LIN9: variants seen among roughly 807,000 people sequenced by gnomAD.
The protein encoded by LIN9 is lin-9 DREAM MuvB core complex component, also known as protein lin-9 homolog.
LIN9 carries 18 observed loss-of-function variants against 78.0 expected under a neutral mutation model. The observed-to-expected ratio is 0.23, with a 90% CI of 0.16 to 0.34. The LOEUF (loss-of-function observed/expected upper bound fraction) is 0.34, where lower values mean the gene tolerates loss of function less well. Among genes scored for constraint, LIN9 ranks in the 10% least tolerant of loss-of-function variants. The probability of loss-of-function intolerance (pLI) is 1.00; values close to 1 mark genes in which losing one functional copy is unlikely to be tolerated. For missense variants in LIN9, 451 were observed against 644.1 expected, an observed-to-expected ratio of 0.70 and a Z score of 3.25; for synonymous variants, 192 against 215.2, an observed-to-expected ratio of 0.89 and a Z score of 0.94.
At position 226,297,794 on chromosome 1, in the gene LIN9, C is replaced by G. The variant is rs201383597; in HGVS notation, c.84G>C (p.Thr28=). 2 of 1,582,374 alleles carry G rather than the reference C, an allele frequency of 1.3e-6. No individual in the cohort carries two copies. Among genetic ancestry groups the G allele is most frequent in the Non-Finnish European group, 1.7e-6 (2 of 1,166,250 alleles). The change falls in exon 3 of 15, where the codon ACG becomes ACC. Residue 28 remains threonine (T), a synonymous_variant. Coordinates refer to ENST00000681046, the MANE Select transcript of LIN9 (RefSeq NM_001366245.2). ...GTAAAGAACTGTACTTTTCATTCCA[C>G]GTGTTAGATAAGCTTCCTTCTGTAA... The part of the protein sequence containing the change: ...VSLKEGSLSN[T]WNEKYSSLQK...
intron 10 of LIN9, among the ~76,000 whole-genome samples, chr1:226,264,332 G>A (rs1340670288): frequency 1.3e-5 from 2 of 151,948 alleles, no homozygotes; most frequent in Non-Finnish European, 2.9e-5. Context: ...AGCTGAGATC[G>A]TGCCACTGCA....
At chr1:226,290,774 TA>T (rs1240056033) in intron 4 of LIN9, among the ~76,000 whole-genome samples, 1 of 152,146 alleles carries the variant, frequency 6.6e-6, no homozygotes, top group East Asian at 1.9e-4. Context: ...AAAAATTTTT[TA>T]ACACAGCGTC....
chr1:226,258,276 A>T (rs1238391745), intron 10 of LIN9, among the ~76,000 whole-genome samples: 1 of 151,108 alleles, frequency 6.6e-6, no homozygotes, highest in African/African-American at 2.4e-5. Flanking sequence ...TGAGGCAGGC[A>T]GATTTCTTGT....
At chr1:226,288,353 G>A (rs1661507370) in intron 4 of LIN9, among the ~76,000 whole-genome samples, 1 of 152,164 alleles carries the variant, frequency 6.6e-6, no homozygotes, top group Non-Finnish European at 1.5e-5. Flanking sequence ...AAAAGACGAT[G>A]AGAACGACAA....
intron 4 of LIN9, among the ~76,000 whole-genome samples, chr1:226,290,582 C>G: frequency 6.6e-6 from 1 of 151,812 alleles, no homozygotes; most frequent in East Asian, 1.9e-4. Context: ...CCTCGTGATC[C>G]GCCCACCTCG....
chr1:226,278,969 A>C (rs1023904574), intron 6 of LIN9, among the ~76,000 whole-genome samples: 3 of 151,390 alleles, frequency 2.0e-5, no homozygotes, highest in Admixed American at 6.6e-5. Context: ...AAAAAAAAAA[A>C]AAAACCAAAA....
At chr1:226,267,553 C>T (rs965851445) in intron 8 of LIN9, among the ~76,000 whole-genome samples, 1 of 151,858 alleles carries the variant, frequency 6.6e-6, no homozygotes, top group African/African-American at 2.4e-5. Flanking sequence ...GTAATTAACA[C>T]CCACCTTGCA....
At chr1:226,281,817 CT>C (rs1661083323) in intron 6 of LIN9, among the ~76,000 whole-genome samples, 1 of 151,770 alleles carries the variant, frequency 6.6e-6, no homozygotes, top group Admixed American at 6.6e-5. Flanking sequence ...CCTCAGCCCC[CT>C]GAGTAGCTGG....
intron 6 of LIN9, among the ~76,000 whole-genome samples, chr1:226,282,967 C>G (rs573975237): frequency 6.6e-6 from 1 of 152,168 alleles, no homozygotes; most frequent in Non-Finnish European, 1.5e-5. Flanking sequence ...GTTGTTCTTG[C>G]TTTTAAACAG....
chr1:226,244,260 G>A (rs958234934), intron 11 of LIN9, among the ~76,000 whole-genome samples: 3 of 151,038 alleles, frequency 2.0e-5, no homozygotes, highest in East Asian at 2.0e-4. Flanking sequence ...GTGAAACCCC[G>A]TCTCTACCAA....
At chr1:226,291,154 T>TAAGAAATGTCCTA (rs1464730047) in intron 4 of LIN9, among the ~76,000 whole-genome samples, 1 of 152,206 alleles carries the variant, frequency 6.6e-6, no homozygotes, top group East Asian at 1.9e-4. Flanking sequence ...GCATCTGTCC[T>TAAGAAATGTCCTA]AGAAAAAAAC....
chr1:226,284,823 T>C (rs924629141), intron 6 of LIN9, among the ~76,000 whole-genome samples: 1 of 152,248 alleles, frequency 6.6e-6, no homozygotes, highest in Non-Finnish European at 1.5e-5. Context: ...AGATCCTGTA[T>C]GTCTTAATGT....
chr1:226,282,241 T>C (rs931133074), intron 6 of LIN9, among the ~76,000 whole-genome samples: 2 of 152,206 alleles, frequency 1.3e-5, no homozygotes, highest in South Asian at 2.1e-4. Context: ...CCCCCATTTA[T>C]GGACTTTTAG....
Position 226,239,039 on chromosome 1 carries a change from G to A in LIN9, c.1177C>T (p.Leu393=), listed in dbSNP as rs773191814. 1 of 1,613,594 alleles carries A rather than the reference G, an allele frequency of 6.2e-7. No individual in the cohort carries two copies. The highest frequency in any genetic ancestry group is 1.3e-5 in the African/African-American group (1 of 74,900). Residue 393 remains leucine, a synonymous_variant, in exon 12 of 15, where the codon CTG becomes TTG. Coordinates refer to ENST00000681046, the MANE Select transcript of LIN9 (RefSeq NM_001366245.2). ...EFQRRYATIV[L]ELEQLNKDLN... ...TCCTTGTTCAGCTGTTCAAGCTCCA[G>A]AACAATTGTTGCATATCTCCGCTGA...
In LIN9 at chr1:226,266,334, T is replaced by C; in HGVS notation, c.817-2A>G. The C allele has an allele frequency of 6.3e-7, 1 of 1,581,528 alleles. No individual in the cohort carries two copies. Among genetic ancestry groups the C allele is most frequent in the Non-Finnish European group, 8.6e-7 (1 of 1,163,110 alleles). On this transcript the variant is annotated splice_acceptor_variant, in intron 8 of 14. Transcript: ENST00000681046. LOFTEE classifies it high-confidence loss of function. ...CATTGTCTCATGAGGTTCATTACTC[T>C]GAGAAAACAGAATAATTCACAAAAC...
At chr1:226,261,117 T>C (rs987125210) in intron 10 of LIN9, among the ~76,000 whole-genome samples, 2 of 150,548 alleles carry the variant, frequency 1.3e-5, no homozygotes, top group Non-Finnish European at 3.0e-5. Flanking sequence ...AAGCTAGGAA[T>C]AGACAACGTC....
chr1:226,283,204 G>T (rs1576337201), intron 6 of LIN9, among the ~76,000 whole-genome samples: 1 of 151,758 alleles, frequency 6.6e-6, no homozygotes, highest in African/African-American at 2.4e-5. Context: ...ATGGCTCACT[G>T]CAGCCTCAAC....
intron 7 of LIN9, among the ~76,000 whole-genome samples, chr1:226,271,757 T>A (rs1660288895): frequency 6.6e-6 from 1 of 152,210 alleles, no homozygotes; most frequent in Non-Finnish European, 1.5e-5. Context: ...TCAAGTATTT[T>A]GAAGCTTTAT....
Position 226,233,362 on chromosome 1 carries a change from A to T in LIN9, c.1407T>A (p.Ala469=). The change falls in exon 13 of 15, where the codon GCT becomes GCA. Residue 469 remains alanine (A), a synonymous_variant. Transcript: ENST00000681046. ...NLTDLISRLT[A]ILLQIKCLAE... ...GATTTACCTTAATTTGTAACAAAAT[A>T]GCTGTAAGCCTGGAAATTAAGTCTG... 6.2e-7 allele frequency: 1 copy of T among 1,610,404 alleles called. No individual in the cohort carries two copies. Among genetic ancestry groups the T allele is most frequent in the Non-Finnish European group, 8.5e-7 (1 of 1,178,084 alleles).
Sources: allele counts gnomAD v4.1 joint callset (sites outside exome capture counted in the v4.1 genomes callset), GRCh38; gene constraint gnomAD v4.1.1; transcripts MANE v1.5; gene names NCBI Gene and HGNC (gene_info 2026-07-23, HGNC 2026-07-21).